The following TOPAZ1 variants were observed in gnomAD, a reference collection of about 807,000 sequenced individuals.
The protein encoded by TOPAZ1 is protein TOPAZ1.
In TOPAZ1, 66 loss-of-function variants were observed where a neutral mutation model predicts 172.2. The observed-to-expected ratio is 0.38, with a 90% CI of 0.31 to 0.47. The LOEUF (loss-of-function observed/expected upper bound fraction) is 0.47, where lower values mean the gene tolerates loss of function less well. TOPAZ1 is among the 20% of genes least tolerant of loss of function. The pLI is 0.99. For missense variants in TOPAZ1, 1,822 were observed against 1,972.4 expected (o/e 0.92, Z 1.44); for synonymous variants, 681 against 683.9 (o/e 1.00, Z 0.07).
intron 8 of TOPAZ1, among the ~76,000 whole-genome samples, chr3:44,274,797 G>A (rs563628081): frequency 2.0e-5 from 3 of 151,818 alleles, no homozygotes; most frequent in African/African-American, 7.3e-5. Flanking sequence ...CAGGTGATCT[G>A]CCTGCCTCAG....
chr3:44,268,645 A>C (rs964617836), intron 6 of TOPAZ1, among the ~76,000 whole-genome samples: 1 of 151,930 alleles, frequency 6.6e-6, no homozygotes, highest in South Asian at 2.1e-4. Context: ...GGCCTCCCAA[A>C]GTGCTGAGAT....
intron 5 of TOPAZ1, among the ~76,000 whole-genome samples, chr3:44,264,710 G>A (rs1427792675): frequency 6.6e-6 from 1 of 152,164 alleles, no homozygotes; most frequent in Non-Finnish European, 1.5e-5. Flanking sequence ...TTCAAAATCA[G>A]ACTCAATCCT....
At chr3:44,313,793 G>A (rs1700423192) in intron 16 of TOPAZ1, among the ~76,000 whole-genome samples, 1 of 152,032 alleles carries the variant, frequency 6.6e-6, no homozygotes, top group African/African-American at 2.4e-5. Context: ...AGGCAGACTG[G>A]TACATTCCAG....
intron 2 of TOPAZ1, among the ~76,000 whole-genome samples, chr3:44,252,818 G>A (rs1395292036): frequency 8.8e-6 from 1 of 113,526 alleles, no homozygotes; most frequent in African/African-American, 2.9e-5. Flanking sequence ...CTTCATTTGG[G>A]TCTCCTTAGC....
chr3:44,247,928 G>T (rs1699584867), intron 2 of TOPAZ1, among the ~76,000 whole-genome samples: 1 of 152,202 alleles, frequency 6.6e-6, no homozygotes, highest in Admixed American at 6.5e-5. Context: ...TGGGATTACA[G>T]GCATGAGCCA....
At chr3:44,276,453 G>T (rs1172210859) in intron 8 of TOPAZ1, among the ~76,000 whole-genome samples, 2 of 151,856 alleles carry the variant, frequency 1.3e-5, no homozygotes, top group Non-Finnish European at 2.9e-5. Context: ...GTATGTTCTT[G>T]GCGCCTTTGT....
At chr3:44,326,541 C>T (rs1251731967) in intron 18 of TOPAZ1, among the ~76,000 whole-genome samples, 1 of 151,998 alleles carries the variant, frequency 6.6e-6, no homozygotes, top group Admixed American at 6.6e-5. Context: ...TACACATGTA[C>T]ATATGCATTT....
chr3:44,245,346 G>C, intron 2 of TOPAZ1, 75 bp downstream of exon 2: 37 of 1,369,264 alleles, frequency 2.7e-5, no homozygotes, highest in Non-Finnish European at 3.5e-5. Flanking sequence ...TTTCACTAAT[G>C]TATTCAGTGA....
At chr3:44,300,141 A>G (rs1700254069) in intron 12 of TOPAZ1, among the ~76,000 whole-genome samples, 1 of 151,754 alleles carries the variant, frequency 6.6e-6, no homozygotes, top group African/African-American at 2.4e-5. Flanking sequence ...ATAAAAAAAA[A>G]GAAAATGAGA....
chr3:44,255,713 AC>A, intron 3 of TOPAZ1, among the ~76,000 whole-genome samples: 1 of 56,472 alleles, frequency 1.8e-5, no homozygotes, highest in East Asian at 3.6e-4. Context: ...ACACACACAC[AC>A]ACACACATAT....
chr3:44,244,834 A>G lies in TOPAZ1; in HGVS notation c.2328A>G (p.Gln776=). 1 of 1,551,724 alleles carries G rather than the reference A, an allele frequency of 6.4e-7. No homozygotes were observed. The highest frequency in any genetic ancestry group is 8.7e-7 in the Non-Finnish European group (1 of 1,146,996). The change falls in exon 2 of 20, where the codon CAA becomes CAG. Residue 776 remains glutamine (Q), a synonymous_variant. Coordinates refer to ENST00000309765, the MANE Select transcript of TOPAZ1 (RefSeq NM_001145030.2). The part of the protein sequence containing the change: ...SYSISPSFTK[Q]GNNSKPSNHV... ...GTATTTCTCCAAGCTTTACAAAGCAAGGTAACAATAGCAAACCATCTAATC... is the reference window on the plus strand; with the variant it reads ...GTATTTCTCCAAGCTTTACAAAGCAGGGTAACAATAGCAAACCATCTAATC...
At chr3:44,279,858 T>C (rs1700002813) in intron 8 of TOPAZ1, among the ~76,000 whole-genome samples, 1 of 152,236 alleles carries the variant, frequency 6.6e-6, no homozygotes, top group Non-Finnish European at 1.5e-5. Context: ...TCTTATTAAT[T>C]GATAACTGGT....
intron 18 of TOPAZ1, among the ~76,000 whole-genome samples, chr3:44,327,572 G>A (rs1391606417): frequency 6.6e-6 from 1 of 152,152 alleles, no homozygotes; most frequent in African/African-American, 2.4e-5. Flanking sequence ...CAGACATTTA[G>A]TAGCAACAGT....
chr3:44,264,375 T>A (rs1190788130), intron 5 of TOPAZ1, among the ~76,000 whole-genome samples: 1 of 152,266 alleles, frequency 6.6e-6, no homozygotes, highest in Non-Finnish European at 1.5e-5. Flanking sequence ...AAGTTATGCT[T>A]ACACTGTACT....
At chr3:44,312,184 A>T (rs1449722274) in intron 16 of TOPAZ1, among the ~76,000 whole-genome samples, 1 of 151,106 alleles carries the variant, frequency 6.6e-6, no homozygotes, top group Non-Finnish European at 1.5e-5. Flanking sequence ...AATGAGGCAG[A>T]TCTGTAAGTG....
chr3:44,302,030 G>T (rs986013624), intron 12 of TOPAZ1, among the ~76,000 whole-genome samples: 3 of 152,106 alleles, frequency 2.0e-5, no homozygotes, highest in Non-Finnish European at 4.4e-5. Context: ...TCTACGTGGA[G>T]TTTTTTCTCT....
At chr3:44,297,617 A>T (rs1165264118) in intron 12 of TOPAZ1, among the ~76,000 whole-genome samples, 1 of 152,200 alleles carries the variant, frequency 6.6e-6, no homozygotes, top group Non-Finnish European at 1.5e-5. Context: ...TATTCAACAT[A>T]CTATGATAAA....
chr3:44,242,339 G>C lies in TOPAZ1; in HGVS notation c.286G>C (p.Asp96His), dbSNP rs2125674286. The C allele has an allele frequency of 6.4e-7, 1 of 1,552,332 alleles. No homozygotes were observed. Among genetic ancestry groups the C allele is most frequent in the South Asian group, 1.2e-5 (1 of 84,048 alleles). ...CCCGGTGAGCCCGTCAGACTCGTCA[G>C]ACCCGCGAGGCCTAGAAGCAGCAAA... The part of the protein sequence containing the change: ...RGPVSPSDSS[D>H]PRGLEAAKEA... Residue 96 changes from aspartate to histidine, a missense_variant, in exon 1 of 20, where the codon GAC (aspartate) becomes CAC (histidine). Around this residue, in one of 2 missense-constraint regions of TOPAZ1, gnomAD observed 1,489 missense variants for 1,490.8 expected, o/e 1.00. Coordinates refer to ENST00000309765, the MANE Select transcript of TOPAZ1 (RefSeq NM_001145030.2).
At chr3:44,305,373 C>T in intron 14 of TOPAZ1, 52 bp downstream of exon 14, 1 of 1,430,152 alleles carries the variant, frequency 7.0e-7, no homozygotes, top group South Asian at 1.5e-5. Context: ...GTGCAGTTTT[C>T]TTTTTTGTTT....
Sources: allele counts gnomAD v4.1 joint callset (sites outside exome capture counted in the v4.1 genomes callset), GRCh38; gene constraint gnomAD v4.1.1; regional missense constraint gnomAD v4.1.1; transcripts MANE v1.5; gene names NCBI Gene and HGNC (gene_info 2026-07-23, HGNC 2026-07-21).